The following PCDHGA6 variants were observed in gnomAD, a reference collection of about 807,000 sequenced individuals.
PCDHGA6 encodes the protein protocadherin gamma-A6.
In PCDHGA6, 41 loss-of-function variants were observed where a neutral mutation model predicts 60.6. The ratio of observed to expected loss-of-function variants is 0.68; its 90% CI spans 0.53 to 0.88. The LOEUF (loss-of-function observed/expected upper bound fraction) is 0.88, where lower values mean the gene tolerates loss of function less well. PCDHGA6 is among the 40% of genes least tolerant of loss of function. The pLI, the probability that PCDHGA6 is intolerant of heterozygous loss-of-function variation, is 0.00. For synonymous variants in PCDHGA6, 594 were observed against 524.4 expected (o/e 1.13, Z -1.81); for missense variants, 1,312 against 1,203.0 (o/e 1.09, Z -1.34).
intron 1 of PCDHGA6, among the ~76,000 whole-genome samples, chr5:141,443,764 C>A (rs1351060316): frequency 6.6e-6 from 1 of 151,708 alleles, no homozygotes; most frequent in Non-Finnish European, 1.5e-5. Flanking sequence ...TTACAATATA[C>A]AATATTACCA....
chr5:141,376,556 A>C, intron 1 of PCDHGA6, 49 bp downstream of exon 1: 1 of 1,611,100 alleles, frequency 6.2e-7, no homozygotes, highest in Non-Finnish European at 8.5e-7. Context: ...TCTTCCCGCA[A>C]CCCAACTAAT....
rs1363891858 is a variant in PCDHGA6, at chr5:141,491,369, C to T, written c.2425-3438C>T. 8.7e-6 allele frequency: 14 copies of T among 1,614,110 alleles called. No homozygotes were observed. Among genetic ancestry groups the T allele is most frequent in the East Asian group, 2.2e-5 (1 of 44,866 alleles). On this transcript the variant is annotated intron_variant, in intron 1 of 3. Coordinates refer to ENST00000517434, the MANE Select transcript of PCDHGA6 (RefSeq NM_018919.3). The surrounding 1 kb of genome is among the most constrained non-coding windows in gnomAD (Gnocchi z 6.9). ...AGTCTCTTATCCCTAGTCACCTTCACCTTTCTGTCAGCGAAGTGCCTTCAG... is the reference window on the plus strand; with the variant it reads ...AGTCTCTTATCCCTAGTCACCTTCATCTTTCTGTCAGCGAAGTGCCTTCAG...
Position 141,374,761 on chromosome 5 carries a change from C to T in PCDHGA6, c.678C>T (p.Ala226=). ...GCGACCCTGTCCGCTCAAGCGTCGC[C>T]CAAATTCTGGTAACAGTTCTAGATG... is the stretch of plus-strand genomic sequence containing the variant. ...DGGDPVRSSV[A]QILVTVLDVN... is the part of the protein sequence containing the mutation. Residue 226 remains alanine (A), a synonymous_variant, in exon 1 of 4, where the codon GCC becomes GCT. Transcript: ENST00000517434. 6.2e-7 allele frequency: 1 copy of T among 1,613,458 alleles called. No homozygotes were observed. The highest frequency in any genetic ancestry group is 1.3e-5 in the African/African-American group (1 of 75,056).
At position 141,499,506 on chromosome 5, in the gene PCDHGA6, CA is replaced by C. The variant is rs759983739; in HGVS notation, c.2483+4644del. Among the ~76,000 whole-genome samples, 6 of 152,086 alleles carry C rather than the reference CA, an allele frequency of 3.9e-5. No homozygotes were observed. The South Asian group carries it at 1.0e-3, about 26-fold the overall frequency. On this transcript the variant is annotated intron_variant, in intron 2 of 3. Coordinates refer to ENST00000517434, the MANE Select transcript of PCDHGA6 (RefSeq NM_018919.3). Reference sequence around the variant, plus strand: ...AACTACAGTTTAATATGAAACATTTCAAATATGTACAAAAGTAGAGAGAATG... The same window carrying C: ...AACTACAGTTTAATATGAAACATTTCAATATGTACAAAAGTAGAGAGAATG...
intron 1 of PCDHGA6, chr5:141,382,723 T>TA: frequency 1.9e-6 from 1 of 523,900 alleles, no homozygotes; most frequent in Non-Finnish European, 3.2e-6. Flanking sequence ...CACCGAGTTT[T>TA]ACAGCACAGA....
chr5:141,435,073 G>A (rs535689336), intron 1 of PCDHGA6, among the ~76,000 whole-genome samples: 150 of 151,756 alleles, frequency 9.9e-4, no homozygotes, highest in Middle Eastern at 3.4e-3. Flanking sequence ...TGTGTAGACC[G>A]TCTGATAACA....
intron 1 of PCDHGA6, among the ~76,000 whole-genome samples, chr5:141,386,522 C>CT (rs35543697): frequency 1 from 152,285 of 152,292 alleles, 76,139 homozygotes; most frequent in Middle Eastern, 1. Flanking sequence ...CAAAAAAAGA[C>CT]TCTTTTTAGA....
At chr5:141,478,513 G>A in intron 1 of PCDHGA6, 1 of 1,611,520 alleles carries the variant, frequency 6.2e-7, no homozygotes. Context: ...TCTATAGGCA[G>A]GTGTTGGGTG....
intron 1 of PCDHGA6, among the ~76,000 whole-genome samples, chr5:141,481,782 T>C (rs1348977678): frequency 6.6e-6 from 1 of 152,008 alleles, no homozygotes; most frequent in African/African-American, 2.4e-5. Context: ...TGAAACCCCG[T>C]CTCTACTAAA....
chr5:141,403,079 T>A (rs770770660), intron 1 of PCDHGA6: 1 of 1,614,064 alleles, frequency 6.2e-7, no homozygotes, highest in East Asian at 2.2e-5. Context: ...AGAAAAGGGC[T>A]ATATTGTGGG....
intron 1 of PCDHGA6, among the ~76,000 whole-genome samples, chr5:141,438,497 T>C (rs1274742357): frequency 6.7e-6 from 1 of 149,116 alleles, no homozygotes; most frequent in African/African-American, 2.5e-5. Flanking sequence ...GAAAAAAGAA[T>C]CATAGTGCAA....
At chr5:141,409,448 C>T in intron 1 of PCDHGA6, 1 of 1,613,546 alleles carries the variant, frequency 6.2e-7, no homozygotes, top group Non-Finnish European at 8.5e-7. Context: ...AGAGCAGACA[C>T]CAGAATACAA....
In PCDHGA6 at chr5:141,375,702, C is replaced by T; in HGVS notation, c.1619C>T (p.Pro540Leu). The T allele has an allele frequency of 1.2e-6, 2 of 1,614,242 alleles. No homozygotes were observed. The highest frequency in any genetic ancestry group is 1.7e-6 in the Non-Finnish European group (2 of 1,180,044). The change falls in exon 1 of 4, where the codon CCG (proline) becomes CTG (leucine). Residue 540 changes from proline (P) to leucine (L), a missense_variant. Coordinates refer to ENST00000517434, the MANE Select transcript of PCDHGA6 (RefSeq NM_018919.3). ...GTGACAGCCAGCGACAGCGGGGACC[C>T]GCCTCTTAGCAGCAACGTGTCACTG... ...LWVTASDSGDPPLSSNVSLSL... is the reference protein window; with the variant it reads ...LWVTASDSGDLPLSSNVSLSL...
At chr5:141,389,813 C>T (rs575968401) in intron 1 of PCDHGA6, 18 of 1,613,844 alleles carry the variant, frequency 1.1e-5, no homozygotes, top group South Asian at 2.2e-5. Flanking sequence ...TTCTGGTCGC[C>T]GTGCGTGACG....
chr5:141,419,300 T>G (rs2096356436), intron 1 of PCDHGA6: 3 of 1,613,998 alleles, frequency 1.9e-6, no homozygotes, highest in Non-Finnish European at 2.5e-6. Context: ...TGACCCAGAC[T>G]TCGGGCTCAA....
rs1485996653 is a variant in PCDHGA6, at chr5:141,376,222, G to T, written c.2139G>T (p.Ala713=). 2 of 1,614,068 alleles carry T rather than the reference G, an allele frequency of 1.2e-6. No individual in the cohort carries two copies. Among genetic ancestry groups the T allele is most frequent in the East Asian group, 2.2e-5 (1 of 44,894 alleles). Residue 713 remains alanine, a synonymous_variant, in exon 1 of 4, where the codon GCG becomes GCT. Transcript: ENST00000517434. The stretch of plus-strand genomic sequence containing the variant: ...TGGCCTTCGTCATCGTGCTGCTGGC[G>T]CTCAGACTGCAGCGCTGGCACAAGT... ...VFLAFVIVLL[A]LRLQRWHKSR...
intron 1 of PCDHGA6, chr5:141,415,051 C>G: frequency 6.2e-7 from 1 of 1,613,458 alleles, no homozygotes; most frequent in Non-Finnish European, 8.5e-7. Context: ...GGTGGGGGAG[C>G]ACACGGGCGA....
At chr5:141,419,747 C>T (rs1322393151) in intron 1 of PCDHGA6, 3 of 1,613,840 alleles carry the variant, frequency 1.9e-6, no homozygotes, top group Admixed American at 1.7e-5. Context: ...GCGCATGGTG[C>T]GTGCTTTGGG....
Position 141,375,181 on chromosome 5 carries a change from C to A in PCDHGA6, c.1098C>A (p.Ile366=), listed in dbSNP as rs868598149. The change falls in exon 1 of 4, where the codon ATC becomes ATA. Residue 366 remains isoleucine, a synonymous_variant. Transcript: ENST00000517434. ...IAESAPPGTV[I]ALFQVFDRDS... ...AAAGTGCACCTCCAGGAACAGTAAT[C>A]GCCCTTTTTCAAGTGTTCGATCGAG... The A allele has an allele frequency of 4.3e-6, 7 of 1,613,836 alleles. No individual in the cohort carries two copies. Among genetic ancestry groups the A allele is most frequent in the Non-Finnish European group, 5.9e-6 (7 of 1,179,900 alleles).
Sources: allele counts gnomAD v4.1 joint callset (sites outside exome capture counted in the v4.1 genomes callset), GRCh38; gene constraint gnomAD v4.1.1; non-coding constraint Gnocchi (gnomAD v3.1); transcripts MANE v1.5; gene names NCBI Gene and HGNC (gene_info 2026-07-23, HGNC 2026-07-21).